The following ZXDC variants were observed in gnomAD, a reference collection of about 807,000 sequenced individuals.
ZXDC encodes the protein ZXD family zinc finger C.
ZXDC carries 58 observed loss-of-function variants against 63.6 expected under a neutral mutation model. The observed-to-expected ratio is 0.91, with a 90% CI of 0.74 to 1.13. ZXDC has a LOEUF of 1.13. ZXDC is among the 50% of genes most tolerant of loss of function. ZXDC has a pLI of 0.00. For synonymous variants in ZXDC, 561 were observed against 496.1 expected, an observed-to-expected ratio of 1.13 and a Z score of -1.74; for missense variants, 1,133 against 1,148.9, an observed-to-expected ratio of 0.99 and a Z score of 0.20.
At chr3:126,470,744 T>C in intron 4 of ZXDC, 151 bp downstream of exon 4, 1 of 1,096,158 alleles carries the variant, frequency 9.1e-7, no homozygotes, top group Non-Finnish European at 1.3e-6. Flanking sequence ...ATAGTACAAT[T>C]AACTCAATGA....
intron 5 of ZXDC, among the ~76,000 whole-genome samples, chr3:126,463,998 T>C (rs1311149335): frequency 1.3e-5 from 2 of 152,172 alleles, no homozygotes; most frequent in African/African-American, 2.4e-5. Flanking sequence ...TGAAAGAAAA[T>C]GGTAGTGATC....
At chr3:126,459,556 A>G in intron 7 of ZXDC, 97 bp downstream of exon 7, 1 of 1,579,100 alleles carries the variant, frequency 6.3e-7, no homozygotes, top group African/African-American at 1.4e-5. Context: ...AAGTAAAACC[A>G]AGAGCACAGA....
intron 3 of ZXDC, among the ~76,000 whole-genome samples, chr3:126,471,375 C>T (rs149909911): frequency 1.3e-5 from 2 of 152,194 alleles, no homozygotes; most frequent in African/African-American, 2.4e-5. Context: ...GAGCGACAGA[C>T]GGTCGTGAGA....
chr3:126,470,678 T>C (rs927950913), intron 4 of ZXDC, among the ~76,000 whole-genome samples: 3 of 152,314 alleles, frequency 2.0e-5, no homozygotes, highest in African/African-American at 7.2e-5. Flanking sequence ...ACAGATCTAA[T>C]GAGGATCAGG....
At position 126,475,383 on chromosome 3, in the gene ZXDC, G is replaced by C. The variant is rs1355832346; in HGVS notation, c.483C>G (p.Pro161=). ...PGPATAGAAA[P]RRAPQASGPS... ...GGCCGGAGGCCTGGGGCGCGCGGCG[G>C]GGAGCGGCGGCGCCCGCGGTTGCGG... Residue 161 remains proline (P), a synonymous_variant, in exon 1 of 10, where the codon CCC becomes CCG. Coordinates refer to ENST00000389709, the MANE Select transcript of ZXDC (RefSeq NM_025112.5). The C allele has an allele frequency of 2.4e-6, 3 of 1,234,406 alleles. No individual in the cohort carries two copies. The highest frequency in any genetic ancestry group is 3.2e-5 in the African/African-American group (2 of 63,426). The allele number at this position is 1,234,406 out of a possible 1,614,324, so 76.5% of individuals were successfully genotyped here.
Position 126,475,002 on chromosome 3 carries a change from G to A in ZXDC, c.864C>T (p.Arg288=), listed in dbSNP as rs1396069374. The stretch of plus-strand genomic sequence containing the variant: ...AAGGGCGCTCGGGCTCGAAGTGGCT[G>A]CGCTGGTGGGAGCTGAGCTTGGCGT... ...PTHAKLSSHQ[R]SHFEPERPYK... is the part of the protein sequence containing the mutation. The change falls in exon 1 of 10, where the codon CGC becomes CGT. Residue 288 remains arginine (R), a synonymous_variant. Coordinates refer to ENST00000389709, the MANE Select transcript of ZXDC (RefSeq NM_025112.5). The A allele has an allele frequency of 6.3e-7, 1 of 1,595,154 alleles. No individual in the cohort carries two copies. Among genetic ancestry groups the A allele is most frequent in the Non-Finnish European group, 8.5e-7 (1 of 1,171,698 alleles).
rs1027785937 is a variant in ZXDC at position 126,470,924 on chromosome 3, C to A, written c.1241G>T (p.Gly414Val). The change falls in exon 4 of 10, where the codon GGC (glycine) becomes GTC (valine). Residue 414 changes from glycine (G) to valine (V), a missense_variant. Gly to Val is a moderately radical substitution (Grantham distance 109). Coordinates refer to ENST00000389709, the MANE Select transcript of ZXDC (RefSeq NM_025112.5). ...HLKGHSITHL[G>V]TKPFECPVEG... Reference sequence around the variant, plus strand: ...CACAGGACACTCGAACGGCTTTGTGCCTAGGTGGGTTATGCTGTGGCCTTT... The same window carrying A: ...CACAGGACACTCGAACGGCTTTGTGACTAGGTGGGTTATGCTGTGGCCTTT... 1.2e-6 allele frequency: 2 copies of A among 1,614,202 alleles called. No individual in the cohort carries two copies. The highest frequency in any genetic ancestry group is 1.7e-5 in the Admixed American group (1 of 60,034).
chr3:126,455,398 T>C (rs953425085), intron 7 of ZXDC, among the ~76,000 whole-genome samples: 5 of 152,272 alleles, frequency 3.3e-5, no homozygotes, highest in Non-Finnish European at 7.4e-5. Context: ...AACCCTAGTA[T>C]AACAAAACCC....
intron 7 of ZXDC, among the ~76,000 whole-genome samples, chr3:126,446,223 T>C (rs1366884600): frequency 6.6e-6 from 1 of 152,120 alleles, no homozygotes; most frequent in Non-Finnish European, 1.5e-5. Context: ...AGAGGAGCAG[T>C]ATAAATCCAA....
intron 5 of ZXDC, among the ~76,000 whole-genome samples, chr3:126,465,445 C>T (rs1056876744): frequency 1.3e-5 from 2 of 152,222 alleles, no homozygotes; most frequent in African/African-American, 4.8e-5. Context: ...CTAACCCTGC[C>T]CTCTCCAGCC....
Position 126,466,234 on chromosome 3 carries a change from T to C in ZXDC, c.1362A>G (p.Pro454=), listed in dbSNP as rs1934759321. 6.2e-7 allele frequency: 1 copy of C among 1,614,228 alleles called. No individual in the cohort carries two copies. Among genetic ancestry groups the C allele is most frequent in the Non-Finnish European group, 8.5e-7 (1 of 1,180,042 alleles). ...TGAAGAGTCTGTTGCAGGTAGAAAC[T>C]GGGCAACGGCTTTTCGGAGCACCCA... is the stretch of plus-strand genomic sequence containing the variant. ...QDVGAPKSRC[P]VSTCNRLFTS... The change falls in exon 5 of 10, where the codon CCA becomes CCG. Residue 454 remains proline, a synonymous_variant. Transcript: ENST00000389709.
chr3:126,459,157 G>C (rs1934422688), intron 7 of ZXDC: 1 of 985,286 alleles, frequency 1.0e-6, no homozygotes, highest in Non-Finnish European at 1.2e-6. Flanking sequence ...ACCAGCTCTT[G>C]TTTGGTCTTT....
At chr3:126,444,541 A>AT (rs1173855450) in intron 7 of ZXDC, among the ~76,000 whole-genome samples, 5 of 152,150 alleles carry the variant, frequency 3.3e-5, no homozygotes, top group African/African-American at 1.2e-4. Context: ...CAAAAAAAAA[A>AT]AATAATAATA....
At chr3:126,471,127 A>C (rs1934965274) in intron 3 of ZXDC, 102 bp from the exon 4 acceptor site, 1 of 1,463,292 alleles carries the variant, frequency 6.8e-7, no homozygotes, top group Admixed American at 2.3e-5. Flanking sequence ...TGCATTTACA[A>C]AAATGATCAG....
At chr3:126,460,637 A>T (rs758741946) in intron 6 of ZXDC, 31 of 985,200 alleles carry the variant, frequency 3.1e-5, no homozygotes, top group South Asian at 4.7e-5. Context: ...ACACTTAGCA[A>T]CTACTATGGC....
chr3:126,463,669 C>T (rs1394050661), intron 5 of ZXDC, among the ~76,000 whole-genome samples: 1 of 151,868 alleles, frequency 6.6e-6, no homozygotes, highest in Middle Eastern at 3.2e-3. Flanking sequence ...TTCCATAGGA[C>T]TGTCCCCAGC....
At chr3:126,455,428 G>A (rs813556) in intron 7 of ZXDC, among the ~76,000 whole-genome samples, 92,386 of 151,964 alleles carry the variant, frequency 0.61, 28,619 homozygotes, top group South Asian at 0.74. Context: ...TAAGTCCACC[G>A]AGTGTCTGCA....
At chr3:126,465,693 G>A (rs1934728606) in intron 5 of ZXDC, among the ~76,000 whole-genome samples, 1 of 152,220 alleles carries the variant, frequency 6.6e-6, no homozygotes. Context: ...GCTCATGCCT[G>A]TAATCCCAGC....
intron 4 of ZXDC, among the ~76,000 whole-genome samples, chr3:126,467,935 G>A (rs1039101383): frequency 2.0e-5 from 3 of 152,190 alleles, no homozygotes; most frequent in African/African-American, 7.2e-5. Flanking sequence ...ATTTTTTAAA[G>A]TACTTGCTAA....
Sources: allele counts gnomAD v4.1 joint callset (sites outside exome capture counted in the v4.1 genomes callset), GRCh38; gene constraint gnomAD v4.1.1; transcripts MANE v1.5; gene names NCBI Gene and HGNC (gene_info 2026-07-23, HGNC 2026-07-21).